The following MAMDC4 variants were observed in gnomAD, a reference collection of about 807,000 sequenced individuals.
MAMDC4 encodes MAM domain containing 4, also known as apical endosomal glycoprotein.
Under a neutral mutation model 153.3 loss-of-function variants are expected in MAMDC4, and 168 were observed. That is an observed-to-expected ratio of 1.10 (90% CI 0.97 to 1.25). The LOEUF (loss-of-function observed/expected upper bound fraction) is 1.25. Ranked by LOEUF, MAMDC4 falls within the 50% of genes most tolerant of loss-of-function variation. The pLI, the probability that MAMDC4 is intolerant of heterozygous loss-of-function variation, is 0.00. For synonymous variants in MAMDC4, 744 were observed against 651.5 expected (o/e 1.14, Z -2.16); for missense variants, 1,701 against 1,542.8 (o/e 1.10, Z -1.72).
Position 136,859,098 on chromosome 9 carries a change from C to A in MAMDC4, c.3050C>A (p.Ala1017Asp). The A allele has an allele frequency of 6.4e-7, 1 of 1,551,120 alleles. No homozygotes were observed. Among genetic ancestry groups the A allele is most frequent in the Admixed American group, 2.0e-5 (1 of 51,128 alleles). ...GGHRRHQWLE[A>D]QVEVASAKEF... is the part of the protein sequence containing the mutation. ...CATCGGCGGCACCAGTGGCTGGAGG[C>A]CCAGGTGGAGGTAGCCAGTGCCAAG... Residue 1017 changes from alanine (A) to aspartate (D), a missense_variant, in exon 24 of 27, where the codon GCC becomes GAC. By Grantham distance (126) the Ala-to-Asp change is moderately radical. Transcript: ENST00000317446.
At position 136,855,592 on chromosome 9, in the gene MAMDC4, G is replaced by T; in HGVS notation, c.1444G>T (p.Ala482Ser). The change falls in exon 12 of 27, where the codon GCA becomes TCA. Residue 482 changes from alanine to serine, a missense_variant. Transcript: ENST00000317446. ...ACTGTGTGACTTCGAGGAGCAGTGC[G>T]CAGGGGGCGAGGACGAGCAGGCCTG... ...EQLCDFEEQC[A>S]GGEDEQACGT... The T allele has an allele frequency of 6.3e-7, 1 of 1,587,102 alleles. No individual in the cohort carries two copies. The highest frequency in any genetic ancestry group is 8.6e-7 in the Non-Finnish European group (1 of 1,166,654).
In MAMDC4 at chr9:136,859,211, C is replaced by A; in HGVS notation, c.3087C>A (p.Ile1029=). 3 of 1,610,470 alleles carry A rather than the reference C, an allele frequency of 1.9e-6. No individual in the cohort carries two copies. Among genetic ancestry groups the A allele is most frequent in the Non-Finnish European group, 2.5e-6 (3 of 1,178,538 alleles). The change falls in exon 25 of 27, where the codon ATC becomes ATA. Residue 1029 remains isoleucine, a splice_region_variant and synonymous_variant. Transcript: ENST00000317446. ...AAACTCCTTTCCTTCTCCATCAGAT[C>A]GTGTTTGAAGCCACTCTGGGCGGCC... ...VEVASAKEFQ[I]VFEATLGGQP... is the part of the protein sequence containing the mutation.
chr9:136,857,541 G>A lies in MAMDC4; in HGVS notation c.2281G>A (p.Ala761Thr). The A allele has an allele frequency of 6.2e-7, 1 of 1,611,690 alleles. No homozygotes were observed. The change falls in exon 18 of 27, where the codon GCT becomes ACT. Residue 761 changes from alanine to threonine, a missense_variant. Transcript: ENST00000317446. ...WRRQANASGH[A>T]AWGPPTDHTT... ...GCGGCAGGCCAATGCCTCGGGCCAT[G>A]CTGCCTGGGGCCCCCCAACAGACCA...
chr9:136,858,129 C>T (rs935481843), intron 20 of MAMDC4, 32 bp downstream of exon 20: 1 of 1,535,104 alleles, frequency 6.5e-7, no homozygotes, highest in South Asian at 1.2e-5. Flanking sequence ...CCTCCCCCTC[C>T]CCCTCCCCCG....
Position 136,856,040 on chromosome 9 carries a change from G to A in MAMDC4, c.1611G>A (p.Arg537=). 1.9e-6 allele frequency: 3 copies of A among 1,612,092 alleles called. No homozygotes were observed. The highest frequency in any genetic ancestry group is 2.5e-6 in the Non-Finnish European group (3 of 1,179,700). Residue 537 remains arginine, a synonymous_variant, in exon 14 of 27, where the codon CGG becomes CGA. Coordinates refer to ENST00000317446, the MANE Select transcript of MAMDC4 (RefSeq NM_206920.3). ...AAAGHFLSLQ[R]AWGQLGAEAR... ...TAGGGCACTTCCTGTCTCTGCAGCG[G>A]GCCTGGGGGCAGCTAGGCGCTGAGG...
In MAMDC4 at chr9:136,858,467, CA is replaced by C; in HGVS notation, c.2743del (p.Ser915AlafsTer76). ...TGGCCTGGCCCGGCCTGGGCGGATA[CA>C]GCTGGGACTGGGGCGGGGGAGCCAC... is the stretch of plus-strand genomic sequence containing the variant. ...HLAWPGLGGYSWDWGGGATPS... is the reference protein window; with the variant it reads ...HLAWPGLGGYXWDWGGGATPS... On this transcript the variant is annotated frameshift_variant, in exon 22 of 27. Coordinates refer to ENST00000317446, the MANE Select transcript of MAMDC4 (RefSeq NM_206920.3). LOFTEE classifies it high-confidence loss of function. 6.2e-7 allele frequency: 1 copy of C among 1,609,106 alleles called. No homozygotes were observed.
chr9:136,856,268 C>T (rs767492002), intron 14 of MAMDC4, 119 bp downstream of exon 14: 3 of 1,520,614 alleles, frequency 2.0e-6, no homozygotes, highest in Admixed American at 1.7e-5. Context: ...CTTCCTGGCA[C>T]TAGTTGTGGT....
At position 136,857,243 on chromosome 9, in the gene MAMDC4, G is replaced by T; in HGVS notation, c.2051G>T (p.Trp684Leu). 6.2e-7 allele frequency: 1 copy of T among 1,607,162 alleles called. No homozygotes were observed. Among genetic ancestry groups the T allele is most frequent in the Non-Finnish European group, 8.5e-7 (1 of 1,177,454 alleles). ...WSRSGTQGNR[W>L]HEAWATLSHQ... is the part of the protein sequence containing the mutation. ...CGGTCAGGCACCCAGGGCAACCGCT[G>T]GCACGAGGCCTGGGCCACCCTTTCC... Residue 684 changes from tryptophan (W) to leucine (L), a missense_variant, in exon 17 of 27, where the codon TGG becomes TTG. Transcript: ENST00000317446.
rs1329951547 is a variant in MAMDC4, at chr9:136,857,162, C to A, written c.1973-3C>A. 1 of 1,612,382 alleles carries A rather than the reference C, an allele frequency of 6.2e-7. No homozygotes were observed. Among genetic ancestry groups the A allele is most frequent in the South Asian group, 1.1e-5 (1 of 90,986 alleles). On this transcript the variant is annotated splice_region_variant and splice_polypyrimidine_tract_variant and intron_variant, in intron 16 of 26. Coordinates refer to ENST00000317446, the MANE Select transcript of MAMDC4 (RefSeq NM_206920.3). ...CAGTTATGGACTGGTCCCCTCCCTGCAGGGACTCTGCGCCTAGCCATGAGA... is the reference window on the plus strand; with the variant it reads ...CAGTTATGGACTGGTCCCCTCCCTGAAGGGACTCTGCGCCTAGCCATGAGA...
rs747334334 is a variant in MAMDC4, at chr9:136,855,622, A to G, written c.1471+3A>G. On this transcript the variant is annotated splice_donor_region_variant and intron_variant, in intron 12 of 26. Coordinates refer to ENST00000317446, the MANE Select transcript of MAMDC4 (RefSeq NM_206920.3). ...GGGCGAGGACGAGCAGGCCTGTGGT[A>G]AAGGGGCTCAACCTCCTGCAGACCT... The G allele has an allele frequency of 6.4e-7, 1 of 1,573,520 alleles. No homozygotes were observed. Among genetic ancestry groups the G allele is most frequent in the Admixed American group, 1.8e-5 (1 of 54,426 alleles).
intron 26 of MAMDC4, 46 bp from the exon 27 acceptor site, chr9:136,860,516 C>T (rs371426026): frequency 1.9e-5 from 30 of 1,579,358 alleles, no homozygotes; most frequent in Middle Eastern, 1.7e-4. Context: ...AGCGAAACTC[C>T]GTCTCAGGAA....
chr9:136,854,239 C>T lies in MAMDC4; in HGVS notation c.699C>T (p.His233=), dbSNP rs1848969393. 3 of 1,612,004 alleles carry T rather than the reference C, an allele frequency of 1.9e-6. No individual in the cohort carries two copies. The highest frequency in any genetic ancestry group is 2.5e-6 in the Non-Finnish European group (3 of 1,179,740). Residue 233 remains histidine, a synonymous_variant, in exon 7 of 27, where the codon CAC becomes CAT. Coordinates refer to ENST00000317446, the MANE Select transcript of MAMDC4 (RefSeq NM_206920.3). The part of the protein sequence containing the change: ...PTPQANCPPG[H]HHCQNKVCVE... ...CCCAGGCCAACTGTCCCCCGGGACA[C>T]CACCACTGCCAGAACAAGGTCTGCG... is the stretch of plus-strand genomic sequence containing the variant.
intron 10 of MAMDC4, 52 bp downstream of exon 10, chr9:136,855,162 A>T: frequency 6.4e-7 from 1 of 1,566,820 alleles, no homozygotes; most frequent in Non-Finnish European, 8.6e-7. Context: ...TGGGCAGGGG[A>T]GGGGAACCCA....
rs758470149 is a variant in MAMDC4, at chr9:136,855,455, C to T, written c.1307C>T (p.Pro436Leu). 2 of 1,609,594 alleles carry T rather than the reference C, an allele frequency of 1.2e-6. No homozygotes were observed. Among genetic ancestry groups the T allele is most frequent in the East Asian group, 4.5e-5 (2 of 44,794 alleles). The change falls in exon 12 of 27, where the codon CCT (proline) becomes CTT (leucine). Residue 436 changes from proline (P) to leucine (L), a missense_variant. Physicochemically the swap from Pro to Leu is moderately conservative, Grantham distance 98. Transcript: ENST00000317446. ...VSEVSTLQPL[P>L]PGPRAPAPQP... The stretch of plus-strand genomic sequence containing the variant: ...GAGGTGTCCACCCTGCAGCCGCTGC[C>T]TCCTGGGCCCCGGGCCCCAGCCCCC...
At chr9:136,853,251 G>C (rs1848952932) in intron 2 of MAMDC4, 34 bp from the exon 3 acceptor site, 1 of 1,610,588 alleles carries the variant, frequency 6.2e-7, no homozygotes, top group African/African-American at 1.3e-5. Flanking sequence ...AGTGCGAGCA[G>C]GTCTGGCACA....
intron 21 of MAMDC4, 33 bp from the exon 22 acceptor site, chr9:136,858,367 G>A (rs757270877): frequency 1.0e-5 from 16 of 1,600,270 alleles, no homozygotes; most frequent in South Asian, 8.8e-5. Context: ...TTGGGCCGTG[G>A]GGCAGCACCA....
At chr9:136,855,700 A>G in intron 12 of MAMDC4, 32 bp from the exon 13 acceptor site, 1 of 1,571,118 alleles carries the variant, frequency 6.4e-7, no homozygotes, top group South Asian at 1.2e-5. Context: ...GACTCTGAGG[A>G]CTCTGCCATT....
At chr9:136,858,680 C>T in intron 22 of MAMDC4, 39 bp from the exon 23 acceptor site, 4 of 1,610,736 alleles carry the variant, frequency 2.5e-6, no homozygotes, top group Non-Finnish European at 3.4e-6. Flanking sequence ...AGGGCTGGCT[C>T]TGCCCATCAG....
At position 136,858,750 on chromosome 9, in the gene MAMDC4, G is replaced by C; in HGVS notation, c.2853G>C (p.Leu951=). Residue 951 remains leucine, a synonymous_variant, in exon 23 of 27, where the codon CTG becomes CTC. Transcript: ENST00000317446. ...GHFAFFETGV[L]GPGGRAAWLR... ...TTGCCTTCTTTGAAACTGGCGTGCT[G>C]GGCCCCGGGGGCCGGGCCGCCTGGC... 11 of 1,611,284 alleles carry C rather than the reference G, an allele frequency of 6.8e-6. No homozygotes were observed. Among genetic ancestry groups the C allele is most frequent in the Non-Finnish European group, 9.3e-6 (11 of 1,179,426 alleles).
Sources: allele counts gnomAD v4.1 joint callset, GRCh38; gene constraint gnomAD v4.1.1; transcripts MANE v1.5; gene names NCBI Gene and HGNC (gene_info 2026-07-23, HGNC 2026-07-21).